The following TPD52 variants were observed in gnomAD, a reference collection of about 807,000 sequenced individuals.
The protein encoded by TPD52 is tumor protein D52.
TPD52 carries 17 observed loss-of-function variants against 31.3 expected under a neutral mutation model. The observed-to-expected ratio is 0.54, with a 90% confidence interval of 0.37 to 0.82. TPD52 has a LOEUF of 0.82. Among genes scored for constraint, TPD52 ranks in the 40% least tolerant of loss-of-function variants. The pLI, the probability that TPD52 is intolerant of heterozygous loss-of-function variation, is 0.00. For missense variants in TPD52, 212 were observed against 240.1 expected (o/e 0.88, Z 0.77); for synonymous variants, 83 against 89.6 (o/e 0.93, Z 0.42).
At chr8:80,034,218 C>A (rs1419334416), downstream of TPD52, among the ~76,000 whole-genome samples, 1 of 152,142 alleles carries the variant, frequency 6.6e-6, no homozygotes, top group Non-Finnish European at 1.5e-5. Flanking sequence ...TTGCTCCGAA[C>A]TGGAGCAGGC....
chr8:80,039,206 T>C (rs1429042927), intron 7 of TPD52, among the ~76,000 whole-genome samples: 1 of 152,264 alleles, frequency 6.6e-6, no homozygotes, highest in African/African-American at 2.4e-5. Flanking sequence ...GTGTGTTCAT[T>C]GTTTATTAAA....
chr8:80,083,247 T>C (rs1234826456), intron 1 of TPD52, among the ~76,000 whole-genome samples: 1 of 150,966 alleles, frequency 6.6e-6, no homozygotes, highest in Non-Finnish European at 1.5e-5. Flanking sequence ...TTTATAAAGA[T>C]GACTCTAGAA....
downstream of TPD52, among the ~76,000 whole-genome samples, chr8:80,031,383 C>A (rs1010401220): frequency 6.6e-6 from 1 of 152,166 alleles, no homozygotes. Context: ...GTATGGTAGT[C>A]CTTACAAATT....
At chr8:80,168,339 G>T (rs1336588288) in intron 1 of TPD52, among the ~76,000 whole-genome samples, 1 of 152,196 alleles carries the variant, frequency 6.6e-6, no homozygotes, top group African/African-American at 2.4e-5. Context: ...GGTTGGAAGA[G>T]GGATTTTCAA....
At chr8:80,094,428 TTTTATATATATATATATATATATA>T (rs1421393363) in intron 1 of TPD52, among the ~76,000 whole-genome samples, 1,328 of 69,118 alleles carry the variant, frequency 0.019, 58 homozygotes, top group African/African-American at 0.054. Flanking sequence ...CAAAAGAAAA[TTTTATATATATATATATATATATA>T]TATATATATA....
At chr8:80,162,966 C>G (rs994879038) in intron 1 of TPD52, among the ~76,000 whole-genome samples, 1 of 146,308 alleles carries the variant, frequency 6.8e-6, no homozygotes, top group African/African-American at 2.6e-5. Flanking sequence ...ACAAAAAAAA[C>G]GGGAAATAAC....
chr8:80,032,289 A>C (rs1809714664), downstream of TPD52, among the ~76,000 whole-genome samples: 1 of 152,146 alleles, frequency 6.6e-6, no homozygotes, highest in African/African-American at 2.4e-5. Context: ...CAATAGGGGG[A>C]TGTCCGCATA....
At position 80,128,494 on chromosome 8, in the gene TPD52, CAAAAA is replaced by C. The variant is rs3053828; in HGVS notation, c.19+42926_19+42930del. ...GCAACACAAGGAGACCCTGTCTCTA[CAAAAA>C]AAAAAAAAAAAAATGCTGGGCATGG... On this transcript the variant is annotated intron_variant, in intron 1 of 7. Transcript: ENST00000518937. Among the ~76,000 whole-genome samples the C allele has an allele frequency of 2.4e-5, 2 of 83,152 alleles. 1 individual carries two copies. Among genetic ancestry groups the C allele is most frequent in the African/African-American group, 1.1e-4 (2 of 18,928 alleles). 54.6% of individuals were successfully genotyped at this position (83,152 alleles called of 152,430 possible). A position where few individuals can be genotyped will look rare whatever the true frequency, so the allele number is the denominator to read the frequency against.
intron 1 of TPD52, 22 bp from the exon 2 acceptor site, chr8:80,064,615 T>C (rs781002328): frequency 6.3e-7 from 1 of 1,583,310 alleles, no homozygotes; most frequent in African/African-American, 1.3e-5. Context: ...TTTAAACCAT[T>C]TTTTAAAGTG....
intron 5 of TPD52, among the ~76,000 whole-genome samples, chr8:80,044,606 TAC>T (rs1293765258): frequency 2.0e-5 from 3 of 151,568 alleles, no homozygotes; most frequent in Non-Finnish European, 4.4e-5. Context: ...CATACACACA[TAC>T]ACACACAAGC....
chr8:80,114,632 T>C (rs901593162), intron 1 of TPD52, among the ~76,000 whole-genome samples: 15 of 152,148 alleles, frequency 9.9e-5, no homozygotes, highest in African/African-American at 3.1e-4. Context: ...TAACTGACCT[T>C]TCCATCCTTA....
At chr8:80,042,848 G>A in intron 6 of TPD52, 180 bp from the exon 7 acceptor site, 1 of 514,046 alleles carries the variant, frequency 1.9e-6, no homozygotes, top group Non-Finnish European at 3.3e-6. Flanking sequence ...CTCAATTTCT[G>A]ATCTAATATT....
At chr8:80,078,962 G>C (rs569438220) in intron 1 of TPD52, among the ~76,000 whole-genome samples, 1 of 152,248 alleles carries the variant, frequency 6.6e-6, no homozygotes, top group East Asian at 1.9e-4. Context: ...GAAGCAAGCA[G>C]TGTCAATCTT....
At chr8:80,169,033 G>A (rs7831937) in intron 1 of TPD52, among the ~76,000 whole-genome samples, 52,104 of 152,130 alleles carry the variant, frequency 0.34, 9,242 homozygotes, top group East Asian at 0.63. Context: ...CGCCCAGGCT[G>A]GAGTGCAGTG....
chr8:80,051,751 A>G, intron 3 of TPD52, 123 bp from the exon 4 acceptor site: 1 of 747,606 alleles, frequency 1.3e-6, no homozygotes, highest in South Asian at 2.0e-5. Flanking sequence ...AACATTTTTC[A>G]GAACTTCTAA....
intron 1 of TPD52, among the ~76,000 whole-genome samples, chr8:80,126,028 T>C (rs1328164294): frequency 6.6e-6 from 1 of 152,230 alleles, no homozygotes; most frequent in Non-Finnish European, 1.5e-5. Flanking sequence ...AGCATTAATA[T>C]GGTGACACAA....
At chr8:80,166,824 T>C (rs574964622) in intron 1 of TPD52, among the ~76,000 whole-genome samples, 2 of 152,042 alleles carry the variant, frequency 1.3e-5, no homozygotes, top group East Asian at 2.0e-4. Flanking sequence ...GAGAATTGCT[T>C]GAACCCAGGA....
chr8:80,064,594 C>G lies in TPD52; in HGVS notation c.20-1G>C. 1.9e-6 allele frequency: 3 copies of G among 1,612,970 alleles called. No individual in the cohort carries two copies. Among genetic ancestry groups the G allele is most frequent in the Non-Finnish European group, 2.5e-6 (3 of 1,179,052 alleles). On this transcript the variant is annotated splice_acceptor_variant, in intron 1 of 7. Transcript: ENST00000518937. LOFTEE classifies it high-confidence loss of function. ...GGGACTGGGTCTGTTCTCAGCAGAC[C>G]TGGTTGGGGATTTAAACCATTTTTT...
intron 1 of TPD52, among the ~76,000 whole-genome samples, chr8:80,147,845 C>A (rs1051445264): frequency 6.6e-6 from 1 of 151,882 alleles, no homozygotes. Context: ...CACGCACACA[C>A]ACACACACAC....
Sources: gnomAD v4.1 joint callset for allele counts (sites outside exome capture counted in the v4.1 genomes callset) on GRCh38, gnomAD v4.1.1 for gene constraint, MANE v1.5 for transcripts, NCBI Gene and HGNC (gene_info 2026-07-23, HGNC 2026-07-21) for gene names.